The following CDH13 variants were observed in gnomAD, a reference collection of about 807,000 sequenced individuals.
The protein encoded by CDH13 is cadherin 13, also known as cadherin-13.
CDH13 carries 24 observed loss-of-function variants against 63.8 expected under a neutral mutation model. The ratio of observed to expected loss-of-function variants is 0.38; its 90% confidence interval spans 0.27 to 0.53. The LOEUF is 0.53. CDH13 is among the 20% of genes least tolerant of loss of function. CDH13 has a pLI of 0.85. For synonymous variants in CDH13, 503 were observed against 355.3 expected (o/e 1.42, Z -4.67); for missense variants, 1,049 against 903.1 (o/e 1.16, Z -2.07).
chr16:82,840,411 A>T (rs2615131), intron 1 of CDH13, among the ~76,000 whole-genome samples: 1 of 150,214 alleles, frequency 6.7e-6, no homozygotes, highest in Non-Finnish European at 1.5e-5. Flanking sequence ...GGCCGGGTGC[A>T]GTGGCTCACA....
intron 1 of CDH13, among the ~76,000 whole-genome samples, chr16:82,807,828 A>C (rs2151173365): frequency 6.6e-6 from 1 of 152,312 alleles, no homozygotes; most frequent in African/African-American, 2.4e-5. Context: ...AAAAATAATT[A>C]CTGGGGACTT....
intron 1 of CDH13, among the ~76,000 whole-genome samples, chr16:82,757,229 C>G (rs1050729079): frequency 1.8e-4 from 27 of 152,176 alleles, no homozygotes; most frequent in African/African-American, 5.3e-4. Context: ...TTTCCATGCC[C>G]CTGGATCCTT....
chr16:83,772,137 C>A (rs1322015538), intron 11 of CDH13, among the ~76,000 whole-genome samples: 3 of 151,942 alleles, frequency 2.0e-5, no homozygotes, highest in Non-Finnish European at 4.4e-5. Flanking sequence ...TCCATGTATA[C>A]AAATAGACTC....
At chr16:83,757,666 G>T (rs1913624626) in intron 11 of CDH13, among the ~76,000 whole-genome samples, 1 of 151,910 alleles carries the variant, frequency 6.6e-6, no homozygotes, top group Non-Finnish European at 1.5e-5. Flanking sequence ...TATCGAAACT[G>T]TTGGGCAAAA....
intron 8 of CDH13, among the ~76,000 whole-genome samples, chr16:83,665,091 G>A (rs892374515): frequency 2.0e-5 from 3 of 152,106 alleles, no homozygotes; most frequent in Admixed American, 6.6e-5. Context: ...GGACATGATA[G>A]GATTGACATC....
rs566555108 is a variant in CDH13 at position 83,079,564 on chromosome 16, A to C, written c.367-45821A>C. On this transcript the variant is annotated intron_variant, in intron 3 of 13. Coordinates refer to ENST00000567109, the MANE Select transcript of CDH13 (RefSeq NM_001257.5). The stretch of plus-strand genomic sequence containing the variant: ...TTTAGTGAAACAATGTGTGCAAAGT[A>C]CCTAGCACTCTCTGGCATGTAATTA... Among the ~76,000 whole-genome samples, 407 of 152,360 alleles carry C rather than the reference A, an allele frequency of 2.7e-3. 2 individuals are homozygous for C. Among genetic ancestry groups the C allele is most frequent in the African/African-American group, 9.3e-3 (386 of 41,588 alleles).
intron 1 of CDH13, among the ~76,000 whole-genome samples, chr16:82,732,832 C>T (rs548319311): frequency 9.4e-5 from 14 of 149,140 alleles, no homozygotes; most frequent in African/African-American, 2.9e-4. Flanking sequence ...AGTTTGTGTC[C>T]GACATCTGGG....
At chr16:83,176,225 A>G (rs2038117177) in intron 4 of CDH13, among the ~76,000 whole-genome samples, 2 of 148,660 alleles carry the variant, frequency 1.3e-5, no homozygotes, top group Non-Finnish European at 3.0e-5. Context: ...GTACTTAAAG[A>G]TTGTGGCTAC....
Position 82,778,570 on chromosome 16 carries a change from G to GAAA in CDH13, c.46-79771_46-79769dup, listed in dbSNP as rs11350020. ...GGAATGGCCTTTGGAATCACGACCAGAAAAAAAAAAAAAAAAAAAAAAAGG... is the reference window on the plus strand; with the variant it reads ...GGAATGGCCTTTGGAATCACGACCAGAAAAAAAAAAAAAAAAAAAAAAAAAAGG... On this transcript the variant is annotated intron_variant, in intron 1 of 13. Transcript: ENST00000567109. 7.3e-3 allele frequency among the ~76,000 whole-genome samples: 626 copies of GAAA among 85,696 alleles called. 21 individuals are homozygous for GAAA. The highest frequency in any genetic ancestry group is 0.011 in the African/African-American group (234 of 21,332). The allele number at this position is 85,696 out of a possible 152,430, so 56.2% of individuals were successfully genotyped here.
intron 4 of CDH13, among the ~76,000 whole-genome samples, chr16:83,204,503 C>T (rs2039125283): frequency 6.6e-6 from 1 of 152,178 alleles, no homozygotes; most frequent in African/African-American, 2.4e-5. Context: ...TGTCTCAGGT[C>T]ATTCACTCAC....
At chr16:82,656,418 AT>A (rs1328216662) in intron 1 of CDH13, among the ~76,000 whole-genome samples, 1 of 152,034 alleles carries the variant, frequency 6.6e-6, no homozygotes, top group African/African-American at 2.4e-5. Flanking sequence ...AGTAAACCTT[AT>A]TTTTTAGAGC....
intron 1 of CDH13, among the ~76,000 whole-genome samples, chr16:82,783,598 C>A (rs145028582): frequency 6.6e-5 from 10 of 152,330 alleles, no homozygotes; most frequent in Admixed American, 2.0e-4. Flanking sequence ...TCTTTTCCTC[C>A]CTGAGCTGTC....
chr16:83,098,821 A>G (rs2034332798), intron 3 of CDH13, among the ~76,000 whole-genome samples: 1 of 152,062 alleles, frequency 6.6e-6, no homozygotes, highest in South Asian at 2.1e-4. Flanking sequence ...TTTGATTATG[A>G]TAAGAAACAT....
At chr16:82,760,750 C>T (rs2034803926) in intron 1 of CDH13, among the ~76,000 whole-genome samples, 1 of 152,134 alleles carries the variant, frequency 6.6e-6, no homozygotes, top group South Asian at 2.1e-4. Context: ...GTGCCAGCAT[C>T]TGTTTCTGGT....
chr16:83,745,758 T>G (rs2150968776), intron 10 of CDH13, among the ~76,000 whole-genome samples: 1 of 152,308 alleles, frequency 6.6e-6, no homozygotes, highest in South Asian at 2.1e-4. Flanking sequence ...CTTCTTCTCC[T>G]TGGCCACACA....
intron 13 of CDH13, 119 bp from the exon 14 acceptor site, chr16:83,794,904 T>G (rs184722882): frequency 2.2e-6 from 2 of 890,430 alleles, no homozygotes; most frequent in East Asian, 5.3e-5. Flanking sequence ...TCCCCCATAG[T>G]CGTGTGATGT....
At chr16:83,028,695 A>G (rs1360098414) in intron 2 of CDH13, among the ~76,000 whole-genome samples, 1 of 152,222 alleles carries the variant, frequency 6.6e-6, no homozygotes, top group Non-Finnish European at 1.5e-5. Flanking sequence ...ACTAATGATA[A>G]AATAGAACAA....
chr16:83,240,145 G>C (rs1406011649), intron 5 of CDH13, among the ~76,000 whole-genome samples: 1 of 152,124 alleles, frequency 6.6e-6, no homozygotes, highest in Non-Finnish European at 1.5e-5. Flanking sequence ...TCTTTTAGCT[G>C]CTCTGCCTTT....
intron 5 of CDH13, among the ~76,000 whole-genome samples, chr16:83,256,717 T>G (rs758780470): frequency 1.3e-5 from 2 of 149,846 alleles, no homozygotes; most frequent in African/African-American, 4.9e-5. Flanking sequence ...TGGTGGCGGC[T>G]GCCTGTAGTC....
Sources: allele counts gnomAD v4.1 joint callset (sites outside exome capture counted in the v4.1 genomes callset), GRCh38; gene constraint gnomAD v4.1.1; transcripts MANE v1.5; gene names NCBI Gene and HGNC (gene_info 2026-07-23, HGNC 2026-07-21).